Variants in AFF1 observed in about 807,000 individuals in gnomAD.
AFF1 encodes ALF transcription elongation factor 1, also known as AF4/FMR2 family member 1.
Under a neutral mutation model 121.7 loss-of-function variants are expected in AFF1, and 48 were observed. That is an observed-to-expected ratio of 0.39 (90% CI 0.31 to 0.50). AFF1 has a LOEUF of 0.50. AFF1 is among the 20% of genes least tolerant of loss of function. AFF1 has a pLI of 0.76. For missense variants in AFF1, 1,523 were observed against 1,511.7 expected (o/e 1.01, Z -0.12); for synonymous variants, 613 against 563.0 (o/e 1.09, Z -1.26).
At chr4:87,091,014 C>T (rs1203333336) in intron 6 of AFF1, among the ~76,000 whole-genome samples, 3 of 94,278 alleles carry the variant, frequency 3.2e-5, no homozygotes, top group African/African-American at 1.2e-4. Context: ...CCCCGTCTCT[C>T]TACCACCAAA....
Position 86,948,515 on chromosome 4 carries a change from T to G in AFF1, c.-19T>G. ...TCTTTCAGATGAACAGACTAGCCAC[T>G]TTGCATTGACTGGAAACAATGGCAT... On this transcript the variant is annotated 5_prime_UTR_variant, in exon 2 of 21. Transcript: ENST00000395146. The G allele has an allele frequency of 3.9e-6, 6 of 1,536,646 alleles. No homozygotes were observed. Among genetic ancestry groups the G allele is most frequent in the Non-Finnish European group, 5.2e-6 (6 of 1,146,488 alleles).
At position 86,943,178 on chromosome 4, in the gene AFF1, T is replaced by C. The variant is rs143106511; in HGVS notation, c.-36-5320T>C. 4.6e-5 allele frequency among the ~76,000 whole-genome samples: 7 copies of C among 152,328 alleles called. 1 individual carries two copies. Among genetic ancestry groups the C allele is most frequent in the African/African-American group, 1.7e-4 (7 of 41,580 alleles). Reference sequence around the variant, plus strand: ...GCACCAGAACCCCGTTGAACAAAACTTCAAAGTGTAGAAGAGATAGTTGGG... The same window carrying C: ...GCACCAGAACCCCGTTGAACAAAACCTCAAAGTGTAGAAGAGATAGTTGGG... On this transcript the variant is annotated intron_variant, in intron 1 of 20. Transcript: ENST00000395146.
chr4:87,116,836 G>A (rs900075028), intron 12 of AFF1, among the ~76,000 whole-genome samples: 9 of 152,060 alleles, frequency 5.9e-5, no homozygotes, highest in Non-Finnish European at 1.3e-4. Context: ...GGTGGGGTGT[G>A]TGTGTGTGTG....
At chr4:86,980,962 C>A (rs1723703802) in intron 2 of AFF1, among the ~76,000 whole-genome samples, 1 of 146,166 alleles carries the variant, frequency 6.8e-6, no homozygotes, top group South Asian at 2.2e-4. Flanking sequence ...CCCCCTCCAC[C>A]AAAAAAAAGG....
At chr4:87,092,579 G>T (rs1314575734) in intron 7 of AFF1, among the ~76,000 whole-genome samples, 1 of 151,864 alleles carries the variant, frequency 6.6e-6, no homozygotes, top group African/African-American at 2.4e-5. Flanking sequence ...GCTAGTTTTT[G>T]TAAATAAAGT....
At chr4:86,974,299 C>T (rs1052424724) in intron 2 of AFF1, among the ~76,000 whole-genome samples, 3 of 152,118 alleles carry the variant, frequency 2.0e-5, no homozygotes, top group Non-Finnish European at 4.4e-5. Flanking sequence ...AGGCACATGC[C>T]ACCACGCCGG....
At chr4:86,955,614 A>G (rs1721679909) in intron 2 of AFF1, among the ~76,000 whole-genome samples, 2 of 152,210 alleles carry the variant, frequency 1.3e-5, no homozygotes, top group Non-Finnish European at 2.9e-5. Context: ...AAGTTGGGAT[A>G]TATTCTGGGA....
chr4:86,962,229 C>G (rs1402859351), intron 2 of AFF1, among the ~76,000 whole-genome samples: 1 of 147,968 alleles, frequency 6.8e-6, no homozygotes, highest in South Asian at 2.1e-4. Context: ...TACAGGCTCA[C>G]TGGGACCCTG....
chr4:87,076,140 A>G (rs1722648155), intron 4 of AFF1, among the ~76,000 whole-genome samples: 1 of 151,988 alleles, frequency 6.6e-6, no homozygotes, highest in Non-Finnish European at 1.5e-5. Flanking sequence ...GTGATGCACT[A>G]CCCCCTTCTT....
chr4:86,980,950 C>A (rs369023828), intron 2 of AFF1, among the ~76,000 whole-genome samples: 8 of 134,644 alleles, frequency 5.9e-5, no homozygotes, highest in African/African-American at 2.1e-4. Flanking sequence ...TTGAGGCACC[C>A]CCCCCCTCCA....
chr4:87,015,436 GGAAA>G (rs1384403939), intron 2 of AFF1, among the ~76,000 whole-genome samples: 1 of 152,128 alleles, frequency 6.6e-6, no homozygotes, highest in African/African-American at 2.4e-5. Flanking sequence ...TAAAAATATT[GGAAA>G]GAATTATTAA....
intron 4 of AFF1, among the ~76,000 whole-genome samples, chr4:87,049,099 G>C (rs895700599): frequency 1.4e-4 from 19 of 139,618 alleles, no homozygotes; most frequent in South Asian, 4.8e-4. Context: ...AAAAAAAGGG[G>C]GGGGGGGGAC....
chr4:87,013,598 C>G (rs1053690113), intron 2 of AFF1, among the ~76,000 whole-genome samples: 1 of 151,582 alleles, frequency 6.6e-6, no homozygotes, highest in East Asian at 1.9e-4. Context: ...GGCTTGGAGA[C>G]CTGCAGGCCA....
intron 4 of AFF1, among the ~76,000 whole-genome samples, chr4:87,050,919 C>G (rs1731201451): frequency 6.6e-6 from 1 of 152,194 alleles, no homozygotes; most frequent in Non-Finnish European, 1.5e-5. Flanking sequence ...GCCGTGGCAT[C>G]TCTGTGAGTG....
rs927858462 is a variant in AFF1, at chr4:87,046,847, C to G, written c.312C>G (p.Asp104Glu). 3 of 1,614,212 alleles carry G rather than the reference C, an allele frequency of 1.9e-6. No individual in the cohort carries two copies. Among genetic ancestry groups the G allele is most frequent in the Admixed American group, 3.3e-5 (2 of 60,036 alleles). The change falls in exon 4 of 21, where the codon GAC becomes GAG. Residue 104 changes from aspartate (D) to glutamate (E), a missense_variant. Asp to Glu is a conservative substitution (Grantham distance 45). Coordinates refer to ENST00000395146, the MANE Select transcript of AFF1 (RefSeq NM_001166693.3). ...AGCCGAAATATCCTTTAATTCCTGA[C>G]AAAGGGAGCAGCATTCCATCCAGCT... ...LGKPKYPLIP[D>E]KGSSIPSSSF...
chr4:87,134,580 AG>A lies in AFF1; in HGVS notation c.3422del (p.Ser1141ThrfsTer9). 6.2e-7 allele frequency: 1 copy of A among 1,614,094 alleles called. No individual in the cohort carries two copies. The highest frequency in any genetic ancestry group is 8.5e-7 in the Non-Finnish European group (1 of 1,179,954). ...GAGCAGTGGGGTGGCTGCCACTATC[AG>A]CACCCCAGTCACCATCCAGAATATG... The part of the protein sequence containing the change: ...VGSSGVAATI[S>X]TPVTIQNMTS... On this transcript the variant is annotated frameshift_variant, in exon 20 of 21. Transcript: ENST00000395146. LOFTEE classifies it high-confidence loss of function.
At chr4:86,975,576 C>G (rs1171591949) in intron 2 of AFF1, among the ~76,000 whole-genome samples, 3 of 152,174 alleles carry the variant, frequency 2.0e-5, no homozygotes, top group Non-Finnish European at 4.4e-5. Flanking sequence ...TATTTGGTTT[C>G]AGTCCAACAA....
chr4:87,062,746 C>G (rs1720908567), intron 4 of AFF1, among the ~76,000 whole-genome samples: 1 of 123,010 alleles, frequency 8.1e-6, no homozygotes, highest in Admixed American at 7.6e-5. Context: ...AGATAGAAAA[C>G]TCATGTGTTC....
intron 5 of AFF1, among the ~76,000 whole-genome samples, chr4:87,084,848 A>G (rs534798813): frequency 1.3e-5 from 2 of 152,218 alleles, no homozygotes; most frequent in African/African-American, 2.4e-5. Flanking sequence ...CTCACTTCCC[A>G]GAGAGGAAAC....
Sources: allele counts gnomAD v4.1 joint callset (sites outside exome capture counted in the v4.1 genomes callset), GRCh38; gene constraint gnomAD v4.1.1; transcripts MANE v1.5; gene names NCBI Gene and HGNC (gene_info 2026-07-23, HGNC 2026-07-21).